The following ST6GALNAC3 variants were observed in gnomAD, a reference collection of about 807,000 sequenced individuals.
The protein encoded by ST6GALNAC3 is alpha-N-acetylgalactosaminide alpha-2,6-sialyltransferase 3.
Under a neutral mutation model 32.7 loss-of-function variants are expected in ST6GALNAC3, and 25 were observed. The ratio of observed to expected loss-of-function variants is 0.76; its 90% CI spans 0.56 to 1.07. The LOEUF is 1.07. ST6GALNAC3 is among the 50% of genes least tolerant of loss of function. ST6GALNAC3 has a pLI of 0.00. For synonymous variants in ST6GALNAC3, 129 were observed against 133.1 expected (o/e 0.97, Z 0.21); for missense variants, 355 against 382.4 (o/e 0.93, Z 0.60).
At chr1:76,547,463 A>G (rs77617733) in intron 3 of ST6GALNAC3, among the ~76,000 whole-genome samples, 2 of 152,316 alleles carry the variant, frequency 1.3e-5, no homozygotes, top group East Asian at 3.9e-4. Context: ...CAGTATTGCA[A>G]TTTACTTTAT....
intron 3 of ST6GALNAC3, among the ~76,000 whole-genome samples, chr1:76,606,473 GCAAATACCA>G (rs1647553083): frequency 6.6e-6 from 1 of 152,064 alleles, no homozygotes; most frequent in African/African-American, 2.4e-5. Flanking sequence ...GAACAGAAAA[GCAAATACCA>G]CATGTTCTCA....
At chr1:76,368,696 A>G (rs1253408280) in intron 2 of ST6GALNAC3, among the ~76,000 whole-genome samples, 2 of 152,158 alleles carry the variant, frequency 1.3e-5, no homozygotes, top group African/African-American at 4.8e-5. Context: ...CATCTTCCTT[A>G]CTTTGTTAGG....
intron 2 of ST6GALNAC3, among the ~76,000 whole-genome samples, chr1:76,333,260 C>G (rs896509142): frequency 6.6e-6 from 1 of 152,056 alleles, no homozygotes; most frequent in Non-Finnish European, 1.5e-5. Flanking sequence ...ATACAAATCA[C>G]AGGAATTAGG....
At chr1:76,524,244 T>C (rs1343343179) in intron 3 of ST6GALNAC3, among the ~76,000 whole-genome samples, 1 of 152,168 alleles carries the variant, frequency 6.6e-6, no homozygotes, top group African/African-American at 2.4e-5. Context: ...TTACCATGGC[T>C]TTTACAATCA....
intron 1 of ST6GALNAC3, chr1:76,305,909 C>A (rs771732989): frequency 1.2e-5 from 6 of 517,962 alleles, no homozygotes; most frequent in South Asian, 8.4e-5. Flanking sequence ...TGATATTCTG[C>A]CTCTAGAGCC....
chr1:76,635,305 C>T (rs1453845885), downstream of ST6GALNAC3, among the ~76,000 whole-genome samples: 1 of 152,102 alleles, frequency 6.6e-6, no homozygotes, highest in Non-Finnish European at 1.5e-5. Flanking sequence ...TTATAGTTAT[C>T]TATCCAACTC....
intron 3 of ST6GALNAC3, among the ~76,000 whole-genome samples, chr1:76,517,093 T>A (rs1174020635): frequency 6.6e-6 from 1 of 151,910 alleles, no homozygotes; most frequent in Non-Finnish European, 1.5e-5. Context: ...ATTTTATTGT[T>A]CCATATAAAC....
intron 1 of ST6GALNAC3, chr1:76,305,902 T>C (rs1311710275): frequency 1.9e-6 from 1 of 518,210 alleles, no homozygotes; most frequent in Non-Finnish European, 3.9e-6. Context: ...TGAACTCTGA[T>C]ATTCTGCCTC....
At chr1:76,544,516 G>A (rs1268205797) in intron 3 of ST6GALNAC3, among the ~76,000 whole-genome samples, 1 of 152,166 alleles carries the variant, frequency 6.6e-6, no homozygotes, top group South Asian at 2.1e-4. Flanking sequence ...GACAAATGAA[G>A]AGAGAAGAGA....
chr1:76,375,324 G>A (rs1288530676), intron 2 of ST6GALNAC3, among the ~76,000 whole-genome samples: 2 of 152,130 alleles, frequency 1.3e-5, no homozygotes, highest in Non-Finnish European at 2.9e-5. Flanking sequence ...AAAAGAGATA[G>A]CAAGGAAGTG....
At chr1:76,407,822 TAACTGCCTA>T (rs1425587723) in intron 2 of ST6GALNAC3, among the ~76,000 whole-genome samples, 1 of 151,642 alleles carries the variant, frequency 6.6e-6, no homozygotes, top group Non-Finnish European at 1.5e-5. Flanking sequence ...AAAGAAAGAG[TAACTGCCTA>T]CTGAAGCAGA....
chr1:76,397,670 G>A (rs1048059881), intron 2 of ST6GALNAC3, among the ~76,000 whole-genome samples: 8 of 151,944 alleles, frequency 5.3e-5, no homozygotes, highest in Admixed American at 1.3e-4. Context: ...CACCATGCCC[G>A]GCCAAGGTGT....
At chr1:76,417,420 A>G (rs945456034) in intron 3 of ST6GALNAC3, among the ~76,000 whole-genome samples, 3 of 152,274 alleles carry the variant, frequency 2.0e-5, no homozygotes, top group Admixed American at 1.3e-4. Context: ...ATTGGTATGC[A>G]TAAATAATAC....
intron 1 of ST6GALNAC3, among the ~76,000 whole-genome samples, chr1:76,094,168 G>T (rs1447422381): frequency 6.6e-6 from 1 of 152,172 alleles, no homozygotes; most frequent in African/African-American, 2.4e-5. Flanking sequence ...AGAGGGGTCA[G>T]GGGAATTGTC....
intron 1 of ST6GALNAC3, among the ~76,000 whole-genome samples, chr1:76,104,947 T>C (rs529005189): frequency 3.3e-5 from 5 of 152,176 alleles, no homozygotes; most frequent in South Asian, 4.2e-4. Context: ...AAGACCTACC[T>C]CCATGATTCA....
chr1:76,294,352 A>G (rs1557761134), intron 1 of ST6GALNAC3, among the ~76,000 whole-genome samples: 1 of 150,136 alleles, frequency 6.7e-6, no homozygotes, highest in African/African-American at 2.5e-5. Context: ...GTCTGAGCAT[A>G]TTTTTTATTA....
At chr1:76,205,945 A>T (rs1381242691) in intron 1 of ST6GALNAC3, among the ~76,000 whole-genome samples, 2 of 152,232 alleles carry the variant, frequency 1.3e-5, no homozygotes, top group African/African-American at 4.8e-5. Flanking sequence ...CAGCACTGTT[A>T]TATCCTCCCA....
At chr1:76,454,332 T>G (rs547245038) in intron 3 of ST6GALNAC3, among the ~76,000 whole-genome samples, 7 of 152,150 alleles carry the variant, frequency 4.6e-5, no homozygotes, top group African/African-American at 1.7e-4. Context: ...TTATTTGTTG[T>G]CTGAAAATTT....
At position 76,446,517 on chromosome 1, in the gene ST6GALNAC3, C is replaced by A. The variant is rs147244897; in HGVS notation, c.623+34100C>A. 2.0e-5 allele frequency among the ~76,000 whole-genome samples: 3 copies of A among 152,270 alleles called. No homozygotes were observed. The East Asian group carries it at 5.8e-4, about 29-fold the overall frequency. On this transcript the variant is annotated intron_variant, in intron 3 of 4. Transcript: ENST00000328299. The stretch of plus-strand genomic sequence containing the variant: ...CTCCCTCCTACTAACCTCTGGCGAC[C>A]ACGGATCTTGTTACTATCTCCTTAG...
Sources: allele counts gnomAD v4.1 joint callset (sites outside exome capture counted in the v4.1 genomes callset), GRCh38; gene constraint gnomAD v4.1.1; transcripts MANE v1.5; gene names NCBI Gene and HGNC (gene_info 2026-07-23, HGNC 2026-07-21).